Variants in MRAP2 observed in about 807,000 individuals in gnomAD.
The protein encoded by MRAP2 is melanocortin 2 receptor accessory protein 2, also known as melanocortin-2 receptor accessory protein 2.
MRAP2 carries 20 observed loss-of-function variants against 17.4 expected under a neutral mutation model. The ratio of observed to expected loss-of-function variants is 1.15; its 90% CI spans 0.81 to 1.67. The LOEUF is 1.67. Ranked by LOEUF, MRAP2 falls within the 40% of genes most tolerant of loss-of-function variation. The pLI is 0.00. For synonymous variants in MRAP2, 96 were observed against 88.4 expected, an observed-to-expected ratio of 1.09 and a Z score of -0.48; for missense variants, 238 against 240.0, an observed-to-expected ratio of 0.99 and a Z score of 0.05.
downstream of MRAP2, among the ~76,000 whole-genome samples, chr6:84,092,458 A>T (rs764924875): frequency 2.6e-5 from 4 of 152,210 alleles, no homozygotes; most frequent in Non-Finnish European, 5.9e-5. Flanking sequence ...TTATCAGCTT[A>T]AAAGTCCCAA....
At chr6:84,058,275 A>G (rs2099492185) in intron 2 of MRAP2, among the ~76,000 whole-genome samples, 1 of 152,230 alleles carries the variant, frequency 6.6e-6, no homozygotes, top group Non-Finnish European at 1.5e-5. Context: ...GCTTGGAGCC[A>G]GGTAGGGAGA....
the MRAP2 span, among the ~76,000 whole-genome samples, chr6:84,121,592 C>T: frequency 1.3e-4 from 20 of 152,032 alleles, no homozygotes; most frequent in East Asian, 2.7e-3. Flanking sequence ...TGTAGTGAGC[C>T]GAGATTACAC....
chr6:84,035,390 C>G (rs1417527276), intron 1 of MRAP2: 1 of 982,822 alleles, frequency 1.0e-6, no homozygotes, highest in Non-Finnish European at 1.2e-6. Context: ...ATACTTACGC[C>G]AAACCAACTC....
Position 84,033,862 on chromosome 6 carries a change from G to C in MRAP2, c.-29G>C, listed in dbSNP as rs887828589. ...AGGAGCCGGAACCAGGGCCGAGCCC[G>C]CGGGCCGGGGCTAGCCAGCCGGTAA... is the stretch of plus-strand genomic sequence containing the variant. On this transcript the variant is annotated 5_prime_UTR_variant, in exon 1 of 4. Coordinates refer to ENST00000257776, the MANE Select transcript of MRAP2 (RefSeq NM_138409.4). 2.7e-5 allele frequency: 27 copies of C among 986,626 alleles called. No individual in the cohort carries two copies. The highest frequency in any genetic ancestry group is 2.9e-5 in the Non-Finnish European group (24 of 830,558). The allele number at this position is 986,626 out of a possible 1,614,324, so 61.1% of individuals were successfully genotyped here.
Position 84,049,974 on chromosome 6 carries a change from G to A in MRAP2, c.-7-5338G>A, listed in dbSNP as rs180802091. On this transcript the variant is annotated intron_variant, in intron 1 of 3. Transcript: ENST00000257776. ...TTTGAAAACGAAGAGCCCAGCGTGC[G>A]TGCATTCATGTGTGTGTGTGTGTAC... Among the ~76,000 whole-genome samples the A allele has an allele frequency of 1.3e-3, 182 of 139,226 alleles. 1 individual carries two copies. The highest frequency in any genetic ancestry group is 5.5e-3 in the African/African-American group (175 of 31,536). 91.3% of individuals were successfully genotyped at this position (139,226 alleles called of 152,430 possible).
chr6:84,047,871 CA>C (rs1188648918), intron 1 of MRAP2, among the ~76,000 whole-genome samples: 3 of 152,196 alleles, frequency 2.0e-5, no homozygotes, highest in Non-Finnish European at 4.4e-5. Flanking sequence ...TAGAATCATG[CA>C]ATATTTGTCC....
At chr6:84,117,639 TG>T in the MRAP2 span, among the ~76,000 whole-genome samples, 4 of 144,306 alleles carry the variant, frequency 2.8e-5, no homozygotes, top group Non-Finnish European at 4.5e-5. Context: ...CCTTTGGATG[TG>T]GGGTGTGTGT....
chr6:84,128,371 T>C, the MRAP2 span, among the ~76,000 whole-genome samples: 1 of 128,462 alleles, frequency 7.8e-6, no homozygotes. Flanking sequence ...TAAGCAAACA[T>C]GTATTTAAAA....
Position 84,055,359 on chromosome 6 carries a change from A to G in MRAP2, c.41A>G (p.Gln14Arg). The G allele has an allele frequency of 6.2e-7, 1 of 1,613,868 alleles. No individual in the cohort carries two copies. Among genetic ancestry groups the G allele is most frequent in the Non-Finnish European group, 8.5e-7 (1 of 1,179,926 alleles). ...QRLISNRTSQ[Q>R]SASNSDYTWE... The stretch of plus-strand genomic sequence containing the variant: ...TTAATTTCTAACAGAACCTCCCAGC[A>G]ATCGGCATCTAATTCTGATTACACC... The change falls in exon 2 of 4, where the codon CAA becomes CGA. Residue 14 changes from glutamine (Q) to arginine (R), a missense_variant. Coordinates refer to ENST00000257776, the MANE Select transcript of MRAP2 (RefSeq NM_138409.4).
At chr6:84,136,911 G>A in the MRAP2 span, among the ~76,000 whole-genome samples, 3 of 152,158 alleles carry the variant, frequency 2.0e-5, no homozygotes, top group East Asian at 3.9e-4. Context: ...CACACACCAG[G>A]CACCTAGGCT....
At chr6:84,103,346 G>T in the MRAP2 span, among the ~76,000 whole-genome samples, 8 of 152,156 alleles carry the variant, frequency 5.3e-5, no homozygotes, top group Non-Finnish European at 1.2e-4. Flanking sequence ...GATGACAAAG[G>T]TGATTAATTT....
intron 1 of MRAP2, among the ~76,000 whole-genome samples, chr6:84,040,002 A>G (rs565713799): frequency 1.3e-4 from 20 of 152,334 alleles, no homozygotes; most frequent in African/African-American, 4.8e-4. Flanking sequence ...TATAAAACCT[A>G]CACCATATTC....
In MRAP2 at chr6:84,064,639, C is replaced by T. The variant is rs570971425; in HGVS notation, c.227+1647C>T. 3.3e-4 allele frequency among the ~76,000 whole-genome samples: 51 copies of T among 152,294 alleles called. 1 individual carries two copies. The East Asian group carries it at 3.5e-3, about 10-fold the overall frequency. On this transcript the variant is annotated intron_variant, in intron 3 of 3. Transcript: ENST00000257776. ...AGTAGCTGGGACTACAGGCACCCAC[C>T]ACCACGCCCAGCTACTTTTTTGTAT... is the stretch of plus-strand genomic sequence containing the variant.
At chr6:84,124,943 T>C in the MRAP2 span, 1 of 726,036 alleles carries the variant, frequency 1.4e-6, no homozygotes, top group Non-Finnish European at 2.3e-6. Context: ...TTTTGAAATG[T>C]TGCTTTGGTT....
intron 3 of MRAP2, among the ~76,000 whole-genome samples, chr6:84,086,293 G>T (rs539007821): frequency 6.6e-6 from 1 of 152,318 alleles, no homozygotes; most frequent in South Asian, 2.1e-4. Context: ...AATATGGGTG[G>T]TGCCAGTTCC....
chr6:84,069,842 T>A (rs1337574085), intron 3 of MRAP2, among the ~76,000 whole-genome samples: 1 of 152,188 alleles, frequency 6.6e-6, no homozygotes, highest in East Asian at 1.9e-4. Flanking sequence ...TTTCCAGGAA[T>A]TTATCCATCT....
chr6:84,071,086 G>T (rs1239386617), intron 3 of MRAP2, among the ~76,000 whole-genome samples: 1 of 152,120 alleles, frequency 6.6e-6, no homozygotes, highest in Admixed American at 6.6e-5. Context: ...TGGATAAGAG[G>T]TACCATTGCA....
At chr6:84,101,328 G>A in the MRAP2 span, among the ~76,000 whole-genome samples, 3 of 152,172 alleles carry the variant, frequency 2.0e-5, no homozygotes, top group East Asian at 1.9e-4. Context: ...ATGGGAATAC[G>A]TGTAGCCTGC....
At chr6:84,136,246 T>TAA in the MRAP2 span, among the ~76,000 whole-genome samples, 6,671 of 152,308 alleles carry the variant, frequency 0.044, 465 homozygotes, top group African/African-American at 0.15. Flanking sequence ...GCACATGTCT[T>TAA]AGTCTGTTTT....
Sources: allele counts gnomAD v4.1 joint callset (sites outside exome capture counted in the v4.1 genomes callset), GRCh38; gene constraint gnomAD v4.1.1; transcripts MANE v1.5; gene names NCBI Gene and HGNC (gene_info 2026-07-23, HGNC 2026-07-21).